The following SLC25A32 variants were observed in gnomAD, a reference collection of about 807,000 sequenced individuals.
SLC25A32 encodes the protein Glycine auxotroph B, complementation of hamster.
Under a neutral mutation model 39.0 loss-of-function variants are expected in SLC25A32, and 32 were observed. That is an observed-to-expected ratio of 0.82 (90% CI 0.62 to 1.10). The LOEUF is 1.10. Ranked by LOEUF, SLC25A32 falls within the 50% of genes least tolerant of loss-of-function variation. The probability of loss-of-function intolerance (pLI) is 0.00; values close to 1 mark genes in which losing one functional copy is unlikely to be tolerated. For synonymous variants in SLC25A32, 166 were observed against 152.4 expected (o/e 1.09, Z -0.66); for missense variants, 367 against 395.3 (o/e 0.93, Z 0.61).
chr8:103,406,051 G>A (rs1028154628), intron 2 of SLC25A32, among the ~76,000 whole-genome samples: 2 of 132,708 alleles, frequency 1.5e-5, no homozygotes, highest in Non-Finnish European at 3.4e-5. Context: ...AATTCATGAT[G>A]TGTGTGTGTG....
chr8:103,400,408 AG>A lies in SLC25A32; in HGVS notation c.*2del, dbSNP rs764969795. On this transcript the variant is annotated 3_prime_UTR_variant, in exon 7 of 7. Transcript: ENST00000297578. ...AGATATACTGGAATTGTCCTCTTTG[AG>A]CTTACTTTCTCTTTTCTCTAAGGTC... 30 of 1,613,976 alleles carry A rather than the reference AG, an allele frequency of 1.9e-5. No homozygotes were observed. In the East Asian group the frequency reaches 2.7e-4, roughly 14 times the overall value.
rs1302568011 is a variant in SLC25A32, at chr8:103,407,860, C to T, written c.155-76G>A. On this transcript the variant is annotated intron_variant, in intron 1 of 6. Coordinates refer to ENST00000297578, the MANE Select transcript of SLC25A32 (RefSeq NM_030780.5). ...ATCACATATAAACACAGACACTGTA[C>T]AATTGGTTATATAAAGGAGATAAAC... The T allele has an allele frequency of 7.3e-6, 9 of 1,227,662 alleles. 1 individual carries two copies. The highest frequency in any genetic ancestry group is 6.1e-5 in the African/African-American group (4 of 65,096). 76.0% of individuals were successfully genotyped at this position (1,227,662 alleles called of 1,614,324 possible).
chr8:103,402,330 GGT>G (rs368897196), intron 4 of SLC25A32: 39 of 219,010 alleles, frequency 1.8e-4, no homozygotes, highest in African/African-American at 8.4e-4. Flanking sequence ...CAAGACTTGA[GGT>G]GTGAGTGGGA....
At chr8:103,410,431 T>C (rs1044396520) in intron 1 of SLC25A32, among the ~76,000 whole-genome samples, 3 of 152,186 alleles carry the variant, frequency 2.0e-5, no homozygotes, top group Non-Finnish European at 2.9e-5. Flanking sequence ...AGTGGTGGCA[T>C]TGGGTTCTTA....
At chr8:103,400,654 C>T (rs1485820253) in intron 6 of SLC25A32, 108 bp from the exon 7 acceptor site, 3 of 1,126,774 alleles carry the variant, frequency 2.7e-6, no homozygotes, top group Admixed American at 2.2e-5. Context: ...AAACCTTACT[C>T]TGATTTAAGT....
rs745538836 is a variant in SLC25A32 at position 103,414,863 on chromosome 8, G to A, written c.75C>T (p.Asn25=). 14 of 1,613,372 alleles carry A rather than the reference G, an allele frequency of 8.7e-6. No individual in the cohort carries two copies. Among genetic ancestry groups the A allele is most frequent in the Admixed American group, 8.3e-5 (5 of 59,980 alleles). ...CGCCGCCGCTCACGCCCGCTATCAGGTTCTCATACCGGACGTGGCGGAATA... is the reference window on the plus strand; with the variant it reads ...CGCCGCCGCTCACGCCCGCTATCAGATTCTCATACCGGACGTGGCGGAATA... ...STVFRHVRYE[N]LIAGVSGGVL... The change falls in exon 1 of 7, where the codon AAC becomes AAT. Residue 25 remains asparagine, a synonymous_variant. Transcript: ENST00000297578.
chr8:103,404,452 G>C (rs940677225), intron 3 of SLC25A32, among the ~76,000 whole-genome samples: 2 of 151,964 alleles, frequency 1.3e-5, no homozygotes, highest in Non-Finnish European at 2.9e-5. Context: ...AAAATTAGCT[G>C]GGCGTGGTGG....
At chr8:103,402,500 A>C (rs1816239667) in intron 4 of SLC25A32, 1 of 152,442 alleles carries the variant, frequency 6.6e-6, no homozygotes, top group Admixed American at 6.5e-5. Context: ...TATCAGCCTT[A>C]AAATGATTTT....
At chr8:103,406,049 A>ATGTGTGTGTG (rs376348142) in intron 2 of SLC25A32, among the ~76,000 whole-genome samples, 1 of 145,960 alleles carries the variant, frequency 6.9e-6, no homozygotes, top group African/African-American at 2.5e-5. Context: ...CAAATTCATG[A>ATGTGTGTGTG]TGTGTGTGTG....
intron 1 of SLC25A32, 177 bp downstream of exon 1, chr8:103,414,607 G>A: frequency 2.4e-6 from 2 of 821,754 alleles, no homozygotes; most frequent in Non-Finnish European, 3.7e-6. Context: ...GAGCGGGGAA[G>A]ATCGCAGGCC....
At chr8:103,409,376 G>A (rs1816411417) in intron 1 of SLC25A32, among the ~76,000 whole-genome samples, 2 of 151,588 alleles carry the variant, frequency 1.3e-5, no homozygotes, top group Admixed American at 1.3e-4. Flanking sequence ...ATGACATTAT[G>A]GTTTTCCATC....
Position 103,401,619 on chromosome 8 carries a change from A to G in SLC25A32, c.709T>C (p.Phe237Leu), listed in dbSNP as rs143775940. The change falls in exon 6 of 7, where the codon TTT becomes CTT. Residue 237 changes from phenylalanine to leucine, a missense_variant. Phe to Leu is a conservative substitution (Grantham distance 22). Coordinates refer to ENST00000297578, the MANE Select transcript of SLC25A32 (RefSeq NM_030780.5). ...TATGGGTATGTTGCTGCGACAGCAA[A>G]TATTTTGGATAGTGCTGCAACAGAT... Reference protein sequence around the residue: ...YISVAALSKIFAVAATYPYQV... With the variant: ...YISVAALSKILAVAATYPYQV... The G allele has an allele frequency of 3.2e-5, 52 of 1,613,524 alleles. No individual in the cohort carries two copies. The African/African-American group carries it at 5.7e-4, about 18-fold the overall frequency.
Position 103,406,536 on chromosome 8 carries a change from C to G in SLC25A32, c.305+1098G>C, listed in dbSNP as rs144770842. ...AAGCTGAATGTGCCTGCCACAGGAA[C>G]TTTCTATGGCTTCTTCAGGAGGCAG... On this transcript the variant is annotated intron_variant, in intron 2 of 6. Transcript: ENST00000297578. Among the ~76,000 whole-genome samples, 914 of 152,330 alleles carry G rather than the reference C, an allele frequency of 6.0e-3. 6 individuals are homozygous for G. The highest frequency in any genetic ancestry group is 0.021 in the African/African-American group (864 of 41,572).
At position 103,415,065 on chromosome 8, in the gene SLC25A32, CTT is replaced by C. The variant is rs908674888; in HGVS notation, c.-130_-129del. 6 of 1,607,172 alleles carry C rather than the reference CTT, an allele frequency of 3.7e-6. No homozygotes were observed. In the African/African-American group the frequency reaches 8.0e-5, roughly 22 times the overall value. ...CACCTCCGGGACCAACGAGAGGACTCTTATGCCCAAGGCGCGTGAGCGAAGCC... is the reference window on the plus strand; with the variant it reads ...CACCTCCGGGACCAACGAGAGGACTCATGCCCAAGGCGCGTGAGCGAAGCC... On this transcript the variant is annotated 5_prime_UTR_variant, in exon 1 of 7. It adds an upstream start codon to the 5' untranslated region. Transcript: ENST00000297578.
chr8:103,403,917 T>C (rs773112220), intron 3 of SLC25A32, among the ~76,000 whole-genome samples: 1 of 152,252 alleles, frequency 6.6e-6, no homozygotes, highest in Non-Finnish European at 1.5e-5. Flanking sequence ...GTTAAGTTTC[T>C]CATTTGCCAG....
At chr8:103,407,584 C>T in intron 2 of SLC25A32, 50 bp downstream of exon 2, 8 of 1,401,054 alleles carry the variant, frequency 5.7e-6, no homozygotes, top group Non-Finnish European at 7.6e-6. Flanking sequence ...TCACCGAAAA[C>T]AAAAATTCCT....
chr8:103,408,041 G>A (rs1423192403), intron 1 of SLC25A32, among the ~76,000 whole-genome samples: 1 of 150,114 alleles, frequency 6.7e-6, no homozygotes, highest in Non-Finnish European at 1.5e-5. Flanking sequence ...GCAGTGGCAC[G>A]ATCTTGGCTC....
intron 1 of SLC25A32, among the ~76,000 whole-genome samples, chr8:103,409,580 AC>A (rs1816416613): frequency 6.6e-6 from 1 of 152,210 alleles, no homozygotes; most frequent in African/African-American, 2.4e-5. Context: ...AGTTACAAAT[AC>A]GTATTGAACC....
At chr8:103,414,739 G>C in intron 1 of SLC25A32, 45 bp downstream of exon 1, 1 of 1,611,030 alleles carries the variant, frequency 6.2e-7, no homozygotes, top group Non-Finnish European at 8.5e-7. Flanking sequence ...TCCAGTTCGG[G>C]CTGACAGTGA....
Sources: gnomAD v4.1 joint callset for allele counts (sites outside exome capture counted in the v4.1 genomes callset) on GRCh38, gnomAD v4.1.1 for gene constraint, MANE v1.5 for transcripts, NCBI Gene and HGNC (gene_info 2026-07-23, HGNC 2026-07-21) for gene names.